OR2L13: variants seen among roughly 807,000 people sequenced by gnomAD.
The protein encoded by OR2L13 is olfactory receptor family 2 subfamily L member 13.
In OR2L13, 14 loss-of-function variants were observed where a neutral mutation model predicts 15.3. The ratio of observed to expected loss-of-function variants is 0.91; its 90% CI spans 0.60 to 1.43. The LOEUF is 1.43. Ranked by LOEUF, OR2L13 falls within the 40% of genes most tolerant of loss-of-function variation. OR2L13 has a pLI of 0.00. For synonymous variants in OR2L13, 152 were observed against 142.9 expected (o/e 1.06, Z -0.45); for missense variants, 367 against 387.9 (o/e 0.95, Z 0.45).
chr1:247,995,165 G>A, the OR2L13 span, among the ~76,000 whole-genome samples: 11 of 152,284 alleles, frequency 7.2e-5, 1 homozygote, highest in South Asian at 1.7e-3. Flanking sequence ...TTCACTGCAT[G>A]AATCCTCATC....
At chr1:248,055,528 G>T in the OR2L13 span, among the ~76,000 whole-genome samples, 1 of 152,194 alleles carries the variant, frequency 6.6e-6, no homozygotes, top group Non-Finnish European at 1.5e-5. Context: ...GGCCAAGGCA[G>T]GTGGATCAAC....
At chr1:248,010,229 T>A in the OR2L13 span, among the ~76,000 whole-genome samples, 1 of 152,024 alleles carries the variant, frequency 6.6e-6, no homozygotes, top group Non-Finnish European at 1.5e-5. Context: ...TAAAATTATC[T>A]CTCTTTGCAG....
chr1:248,027,427 T>A, the OR2L13 span, among the ~76,000 whole-genome samples: 1 of 152,314 alleles, frequency 6.6e-6, no homozygotes, highest in Non-Finnish European at 1.5e-5. Flanking sequence ...TTGTGAAGCA[T>A]GTGATCTCTG....
At chr1:248,070,943 G>A in the OR2L13 span, among the ~76,000 whole-genome samples, 2,150 of 152,266 alleles carry the variant, frequency 0.014, 61 homozygotes, top group African/African-American at 0.048. Flanking sequence ...TTGAATCTCT[G>A]AATAGACTGA....
chr1:247,949,511 C>A, the OR2L13 span: 1 of 1,613,788 alleles, frequency 6.2e-7, no homozygotes, highest in Non-Finnish European at 8.5e-7. Flanking sequence ...GTTCCTATGG[C>A]CAGGTTCTCT....
the OR2L13 span, among the ~76,000 whole-genome samples, chr1:247,960,315 G>A: frequency 6.6e-6 from 1 of 152,198 alleles, no homozygotes; most frequent in African/African-American, 2.4e-5. Flanking sequence ...TGTCTCAGAG[G>A]AGTACCAGGC....
At chr1:248,022,760 G>A in the OR2L13 span, 4 of 1,613,952 alleles carry the variant, frequency 2.5e-6, no homozygotes, top group African/African-American at 1.3e-5. Flanking sequence ...CAGAGGACAA[G>A]GTTCTGGCTG....
chr1:247,995,592 A>G, the OR2L13 span, among the ~76,000 whole-genome samples: 1 of 152,242 alleles, frequency 6.6e-6, no homozygotes, highest in African/African-American at 2.4e-5. Context: ...TATTTTCTAT[A>G]TCAGATTTCT....
chr1:248,070,090 C>T, the OR2L13 span, among the ~76,000 whole-genome samples: 1 of 152,076 alleles, frequency 6.6e-6, no homozygotes, highest in Non-Finnish European at 1.5e-5. Context: ...AACAAGGATA[C>T]CCAGGAATCG....
At chr1:248,068,126 C>A in the OR2L13 span, among the ~76,000 whole-genome samples, 1 of 152,202 alleles carries the variant, frequency 6.6e-6, no homozygotes, top group African/African-American at 2.4e-5. Flanking sequence ...CCCTGTCTGA[C>A]AGCTTTGAAG....
At chr1:248,020,778 TC>T in the OR2L13 span, among the ~76,000 whole-genome samples, 1 of 151,944 alleles carries the variant, frequency 6.6e-6, no homozygotes, top group African/African-American at 2.4e-5. Flanking sequence ...TATATAACTT[TC>T]ATTTATTTCA....
chr1:247,952,002 C>T, the OR2L13 span, among the ~76,000 whole-genome samples: 121,162 of 151,884 alleles, frequency 0.8, 52,515 homozygotes, highest in South Asian at 0.95. Flanking sequence ...TGCGCGCGTG[C>T]GCGCATGAGA....
chr1:248,028,136 G>A, the OR2L13 span, among the ~76,000 whole-genome samples: 13 of 67,428 alleles, frequency 1.9e-4, no homozygotes, highest in African/African-American at 3.4e-4. Flanking sequence ...GCGAGATTCC[G>A]TCTCAAAAAA....
chr1:248,044,809 CAAAAAAAAAAAAAAAA>C, the OR2L13 span, among the ~76,000 whole-genome samples: 1 of 8,130 alleles, frequency 1.2e-4, no homozygotes, highest in Non-Finnish European at 1.7e-4. Context: ...AACTCCGTCT[CAAAAAAAAAAAAAAAA>C]AAAAAAAAAA....
At chr1:247,978,731 C>T in the OR2L13 span, among the ~76,000 whole-genome samples, 2 of 152,258 alleles carry the variant, frequency 1.3e-5, no homozygotes, top group African/African-American at 4.8e-5. Flanking sequence ...AGAGCATTCT[C>T]AGGGAAAGCA....
the OR2L13 span, chr1:248,060,753 T>C: frequency 1.2e-6 from 2 of 1,613,972 alleles, no homozygotes; most frequent in Non-Finnish European, 1.7e-6. Context: ...GAATTGGCCT[T>C]TTCCTCTTCA....
chr1:248,039,893 G>A, the OR2L13 span: 1 of 152,160 alleles, frequency 6.6e-6, no homozygotes, highest in Non-Finnish European at 1.5e-5. Flanking sequence ...AAATAATTAT[G>A]TTTGTGGAGC....
the OR2L13 span, among the ~76,000 whole-genome samples, chr1:248,067,447 TA>T: frequency 1.3e-5 from 2 of 152,390 alleles, no homozygotes; most frequent in Non-Finnish European, 2.9e-5. Context: ...TTGGTGTAAT[TA>T]TTTGCTCATA....
the OR2L13 span, among the ~76,000 whole-genome samples, chr1:247,971,658 G>A: frequency 1.9e-4 from 29 of 152,028 alleles, no homozygotes; most frequent in South Asian, 1.9e-3. Flanking sequence ...AAACTTCCAC[G>A]CTATAATAGT....
Sources: gnomAD v4.1 joint callset for allele counts (sites outside exome capture counted in the v4.1 genomes callset) on GRCh38, gnomAD v4.1.1 for gene constraint, MANE v1.5 for transcripts, NCBI Gene and HGNC (gene_info 2026-07-23, HGNC 2026-07-21) for gene names.